The following ZNF607 variants were observed in gnomAD, a reference collection of about 807,000 sequenced individuals.
ZNF607 encodes the protein zinc finger protein 607.
ZNF607 carries 5 observed loss-of-function variants against 12.8 expected under a neutral mutation model. That is an observed-to-expected ratio of 0.39 (90% confidence interval 0.20 to 0.82). ZNF607 has a LOEUF of 0.82. Among genes scored for constraint, ZNF607 ranks in the 40% least tolerant of loss-of-function variants. ZNF607 has a pLI of 0.39. For missense variants in ZNF607, 851 were observed against 859.2 expected (o/e 0.99, Z 0.12); for synonymous variants, 287 against 276.2 (o/e 1.04, Z -0.39).
At position 37,719,740 on chromosome 19, in the gene ZNF607, C is replaced by G. The variant is rs1375859603; in HGVS notation, c.-546G>C. 1 of 152,354 alleles carries G rather than the reference C, an allele frequency of 6.6e-6. No homozygotes were observed. The highest frequency in any genetic ancestry group is 1.5e-5 in the Non-Finnish European group (1 of 68,136). The allele number at this position is 152,354 out of a possible 1,614,324, so 9.4% of individuals were successfully genotyped here. On this transcript the variant is annotated 5_prime_UTR_variant, in exon 1 of 5. Coordinates refer to ENST00000355202, the MANE Select transcript of ZNF607 (RefSeq NM_032689.5). ...GCGCCTCCCACCCACCGCTCGAGCC[C>G]CGGAGACTTCTGGGAGTGGCCGCCT... is the stretch of plus-strand genomic sequence containing the variant.
Position 37,708,844 on chromosome 19 carries a change from CAA to C in ZNF607, c.137-834_137-833del, listed in dbSNP as rs745832713. Among the ~76,000 whole-genome samples the C allele has an allele frequency of 2.9e-3, 326 of 111,336 alleles. 1 individual carries two copies. The highest frequency in any genetic ancestry group is 9.1e-3 in the Middle Eastern group (2 of 220). 73.0% of individuals were successfully genotyped at this position (111,336 alleles called of 152,430 possible). A position where few individuals can be genotyped will look rare whatever the true frequency, so the allele number is the denominator to read the frequency against. On this transcript the variant is annotated intron_variant, in intron 3 of 4. Coordinates refer to ENST00000355202, the MANE Select transcript of ZNF607 (RefSeq NM_032689.5). ...GCCTGGGTGACAGAAGACTCTGTCT[CAA>C]AAAAAAAAAAAAAAAAGCCTGGGAT...
intron 4 of ZNF607, among the ~76,000 whole-genome samples, chr19:37,707,202 A>G (rs778791139): frequency 2.6e-5 from 4 of 152,206 alleles, no homozygotes; most frequent in Non-Finnish European, 4.4e-5. Flanking sequence ...CAATGTGGAT[A>G]TAGAACAGGC....
In ZNF607 at chr19:37,698,644, C is replaced by A. The variant is rs149751145; in HGVS notation, c.1487G>T (p.Arg496Leu). 1.9e-6 allele frequency: 3 copies of A among 1,611,788 alleles called. No homozygotes were observed. Among genetic ancestry groups the A allele is most frequent in the Middle Eastern group, 1.6e-4 (1 of 6,070 alleles). ...AGGTTTCTCACCAGTATGAACTCTG[C>A]GATGTATAGTGAGTTTATGGCTATA... The part of the protein sequence containing the change: ...FSYSHKLTIH[R>L]RVHTGEKPYE... The change falls in exon 5 of 5, where the codon CGC becomes CTC. Residue 496 changes from arginine (R) to leucine (L), a missense_variant. Transcript: ENST00000355202.
At chr19:37,715,309 A>T (rs1047646813) in intron 1 of ZNF607, among the ~76,000 whole-genome samples, 2 of 148,494 alleles carry the variant, frequency 1.3e-5, no homozygotes, top group Non-Finnish European at 3.0e-5. Flanking sequence ...AGTCTTCTTT[A>T]AAAAAAAAAA....
At chr19:37,714,431 G>C (rs2045158629) in intron 1 of ZNF607, among the ~76,000 whole-genome samples, 1 of 151,864 alleles carries the variant, frequency 6.6e-6, no homozygotes, top group African/African-American at 2.4e-5. Flanking sequence ...TGGGCATGGT[G>C]GCGGGTGCCT....
In ZNF607 at chr19:37,698,473, T is replaced by C; in HGVS notation, c.1658A>G (p.Asn553Ser). Residue 553 changes from asparagine to serine, a missense_variant, in exon 5 of 5, where the codon AAT becomes AGT. Transcript: ENST00000355202. ...GTAGGGTTTCTCAGCGCTATGAATATTCTGATGGGCTTTAAGTACAGAAAT... is the reference window on the plus strand; with the variant it reads ...GTAGGGTTTCTCAGCGCTATGAATACTCTGATGGGCTTTAAGTACAGAAAT... ...RFISVLKAHQ[N>S]IHSAEKPYEC... 6.2e-6 allele frequency: 10 copies of C among 1,614,072 alleles called. No individual in the cohort carries two copies. The highest frequency in any genetic ancestry group is 1.1e-5 in the South Asian group (1 of 91,082).
intron 4 of ZNF607, among the ~76,000 whole-genome samples, chr19:37,702,287 C>CAAAAAAAAAAAAAAAAAA (rs10714690): frequency 2.7e-5 from 2 of 73,628 alleles, no homozygotes; most frequent in African/African-American, 5.5e-5. Flanking sequence ...AACTCCATCT[C>CAAAAAAAAAAAAAAAAAA]AAAAAAAAAA....
At chr19:37,717,806 CAAAAAAAAA>C (rs57152044) in intron 1 of ZNF607, among the ~76,000 whole-genome samples, 2 of 67,098 alleles carry the variant, frequency 3.0e-5, no homozygotes, top group African/African-American at 6.3e-5. Context: ...AACTCAGTCT[CAAAAAAAAA>C]AAAAAAAAAA....
intron 1 of ZNF607, among the ~76,000 whole-genome samples, chr19:37,718,358 T>G (rs1055243136): frequency 9.8e-5 from 15 of 152,298 alleles, no homozygotes; most frequent in Admixed American, 3.3e-4. Flanking sequence ...TACTTAGCGC[T>G]TATGTTTCCC....
intron 3 of ZNF607, 43 bp downstream of exon 3, chr19:37,709,653 T>G: frequency 1.3e-6 from 2 of 1,586,810 alleles, no homozygotes; most frequent in Non-Finnish European, 1.7e-6. Flanking sequence ...ACGAAACAGA[T>G]GATTCTAAAT....
In ZNF607 at chr19:37,697,224, C is replaced by A; in HGVS notation, c.*816G>T. On this transcript the variant is annotated 3_prime_UTR_variant, in exon 5 of 5. Transcript: ENST00000355202. Reference sequence around the variant, plus strand: ...GTCAAAGATAATTGGTTTTTGTACACATGGGATGAGAAAGTGAGTCCCTTC... The same window carrying A: ...GTCAAAGATAATTGGTTTTTGTACAAATGGGATGAGAAAGTGAGTCCCTTC... 1 of 742,504 alleles carries A rather than the reference C, an allele frequency of 1.3e-6. No individual in the cohort carries two copies. 46.0% of individuals were successfully genotyped at this position (742,504 alleles called of 1,614,324 possible). A position where few individuals can be genotyped will look rare whatever the true frequency, so the allele number is the denominator to read the frequency against.
At chr19:37,701,525 T>A (rs954107316) in intron 4 of ZNF607, among the ~76,000 whole-genome samples, 9 of 152,142 alleles carry the variant, frequency 5.9e-5, no homozygotes, top group African/African-American at 2.2e-4. Context: ...CCCTAGCCAA[T>A]AGGGGAACGA....
chr19:37,700,031 T>TA (rs1415837387), intron 4 of ZNF607, 136 bp from the exon 5 acceptor site: 13 of 850,598 alleles, frequency 1.5e-5, no homozygotes, highest in African/African-American at 8.6e-5. Context: ...AAAGGAGAGC[T>TA]AAAAAAATGA....
chr19:37,705,850 T>C (rs2045078526), intron 4 of ZNF607, among the ~76,000 whole-genome samples: 1 of 152,036 alleles, frequency 6.6e-6, no homozygotes, highest in South Asian at 2.1e-4. Flanking sequence ...TTCTCTCTCT[T>C]TCTCTCTCTT....
intron 3 of ZNF607, among the ~76,000 whole-genome samples, chr19:37,708,623 G>T (rs2145239239): frequency 6.6e-6 from 1 of 150,786 alleles, no homozygotes; most frequent in Non-Finnish European, 1.5e-5. Context: ...AGCACTTTGG[G>T]AGGCCCTGAG....
In ZNF607 at chr19:37,699,616, C is replaced by T; in HGVS notation, c.515G>A (p.Cys172Tyr). The change falls in exon 5 of 5, where the codon TGT becomes TAT. Residue 172 changes from cysteine to tyrosine, a missense_variant. Transcript: ENST00000355202. The stretch of plus-strand genomic sequence containing the variant: ...ACTGAAGACCTTCCCACATTCTTCA[C>T]ATTCATAAGGTTTCTCACGAGCATT... ...KINAREKPYE[C>Y]EECGKVFSYP... The T allele has an allele frequency of 6.2e-7, 1 of 1,614,174 alleles. No homozygotes were observed. The highest frequency in any genetic ancestry group is 8.5e-7 in the Non-Finnish European group (1 of 1,180,030).
At position 37,711,653 on chromosome 19, in the gene ZNF607, C is replaced by T. The variant is rs779492515; in HGVS notation, c.-35G>A. The T allele has an allele frequency of 4.9e-5, 79 of 1,612,196 alleles. No homozygotes were observed. The highest frequency in any genetic ancestry group is 3.3e-4 in the Middle Eastern group (2 of 6,080). ...CTGGCAAGAGTTGATCAGTCCTTGGCGTTTCTCTACCAGAAGAGCAAAGTC... is the reference window on the plus strand; with the variant it reads ...CTGGCAAGAGTTGATCAGTCCTTGGTGTTTCTCTACCAGAAGAGCAAAGTC... On this transcript the variant is annotated 5_prime_UTR_variant, in exon 2 of 5. Transcript: ENST00000355202.
At chr19:37,711,061 T>C (rs1369639991) in intron 2 of ZNF607, among the ~76,000 whole-genome samples, 2 of 152,266 alleles carry the variant, frequency 1.3e-5, no homozygotes, top group Non-Finnish European at 2.9e-5. Flanking sequence ...TATTATTTTA[T>C]GGTATTTGTT....
intron 4 of ZNF607, among the ~76,000 whole-genome samples, chr19:37,702,083 C>T (rs1452548738): frequency 2.0e-5 from 3 of 151,636 alleles, no homozygotes; most frequent in Non-Finnish European, 2.9e-5. Flanking sequence ...GTCAGGAGTT[C>T]GAGACCAGCC....
Sources: gnomAD v4.1 joint callset for allele counts (sites outside exome capture counted in the v4.1 genomes callset) on GRCh38, gnomAD v4.1.1 for gene constraint, MANE v1.5 for transcripts, NCBI Gene and HGNC (gene_info 2026-07-23, HGNC 2026-07-21) for gene names.